The following SMAP1 variants were observed in gnomAD, a reference collection of about 807,000 sequenced individuals.
SMAP1 encodes small ArfGAP 1.
A neutral mutation model predicts 58.5 loss-of-function variants in SMAP1; 24 were observed. The ratio of observed to expected loss-of-function variants is 0.41; its 90% confidence interval spans 0.30 to 0.58. SMAP1 has a LOEUF of 0.58. Among genes scored for constraint, SMAP1 ranks in the 20% least tolerant of loss-of-function variants. The pLI is 0.29. For synonymous variants in SMAP1, 216 were observed against 196.6 expected (o/e 1.10, Z -0.82); for missense variants, 563 against 566.3 (o/e 0.99, Z 0.06).
rs1424604053 is a variant in SMAP1, at chr6:70,856,883, G to A, written c.814G>A (p.Ala272Thr). The A allele has an allele frequency of 1.5e-5, 24 of 1,613,128 alleles. No homozygotes were observed. Among genetic ancestry groups the A allele is most frequent in the Non-Finnish European group, 2.0e-5 (24 of 1,179,418 alleles). ...GGGGACACCCTCTGCACCAGCAGCT[G>A]CAACCCTGTCTACAGTAACATCTGG... Reference protein sequence around the residue: ...AQGTPSAPAAATLSTVTSGDL... With the variant: ...AQGTPSAPAATTLSTVTSGDL... The change falls in exon 9 of 11, where the codon GCA becomes ACA. Residue 272 changes from alanine (A) to threonine (T), a missense_variant. By Grantham distance (58) the Ala-to-Thr change is moderately conservative (BLOSUM62 0). This residue lies in a region of SMAP1 where 494 missense variants were observed against 473.8 expected (regional missense o/e 1.04). Coordinates refer to ENST00000370455, the MANE Select transcript of SMAP1 (RefSeq NM_001044305.3).
intron 3 of SMAP1, among the ~76,000 whole-genome samples, chr6:70,764,324 A>AC (rs1296636731): frequency 6.6e-6 from 1 of 152,202 alleles, no homozygotes; most frequent in African/African-American, 2.4e-5. Context: ...ACTACACTAA[A>AC]CAACACATTT....
intron 6 of SMAP1, among the ~76,000 whole-genome samples, chr6:70,817,394 GA>G (rs1238429834): frequency 1.3e-5 from 2 of 152,006 alleles, no homozygotes; most frequent in Admixed American, 1.3e-4. Flanking sequence ...CTGATCTTTG[GA>G]AAGTTCAAAA....
chr6:70,704,731 A>AAT (rs1012265927), intron 1 of SMAP1, among the ~76,000 whole-genome samples: 2 of 152,224 alleles, frequency 1.3e-5, no homozygotes, highest in South Asian at 2.1e-4. Context: ...AAGTGGGATT[A>AAT]GTCAACCGTA....
At chr6:70,694,135 A>G (rs932601815) in intron 1 of SMAP1, 2 of 353,042 alleles carry the variant, frequency 5.7e-6, no homozygotes, top group Non-Finnish European at 1.1e-5. Flanking sequence ...TTCTGTTTAC[A>G]TCTTGAATGC....
At chr6:70,811,158 CTTTACTG>C (rs973700134) in intron 6 of SMAP1, among the ~76,000 whole-genome samples, 4 of 152,116 alleles carry the variant, frequency 2.6e-5, no homozygotes, top group Non-Finnish European at 5.9e-5. Flanking sequence ...TGATTCTCAA[CTTTACTG>C]TTTACTAGAT....
At chr6:70,791,637 CAT>C (rs1768363003) in intron 4 of SMAP1, 50 bp from the exon 5 acceptor site, 2 of 1,480,532 alleles carry the variant, frequency 1.4e-6, no homozygotes, top group Non-Finnish European at 1.9e-6. Context: ...TGTCAATTCT[CAT>C]TACCTTCTTT....
intron 1 of SMAP1, among the ~76,000 whole-genome samples, chr6:70,710,228 C>CA (rs1767997110): frequency 6.6e-6 from 1 of 152,064 alleles, no homozygotes; most frequent in Non-Finnish European, 1.5e-5. Context: ...TGTGGTAGCT[C>CA]ACGCCTGTAA....
At chr6:70,762,566 AG>A (rs1286037560) in intron 3 of SMAP1, among the ~76,000 whole-genome samples, 1 of 152,180 alleles carries the variant, frequency 6.6e-6, no homozygotes, top group Non-Finnish European at 1.5e-5. Flanking sequence ...CCAAAGATAT[AG>A]CATGTTTTCC....
chr6:70,771,143 G>T (rs1472380366), intron 3 of SMAP1, among the ~76,000 whole-genome samples: 2 of 152,206 alleles, frequency 1.3e-5, no homozygotes, highest in Non-Finnish European at 2.9e-5. Flanking sequence ...GCCGTGTGAA[G>T]TGACAGTCTG....
intron 5 of SMAP1, among the ~76,000 whole-genome samples, chr6:70,795,500 T>C (rs1435438236): frequency 6.6e-6 from 1 of 152,168 alleles, no homozygotes; most frequent in Non-Finnish European, 1.5e-5. Flanking sequence ...TGCCCTCATA[T>C]AGTGGGAAAG....
At position 70,861,033 on chromosome 6, in the gene SMAP1, T is replaced by C. The variant is rs1771700306; in HGVS notation, c.*699T>C. On this transcript the variant is annotated 3_prime_UTR_variant, in exon 11 of 11. Coordinates refer to ENST00000370455, the MANE Select transcript of SMAP1 (RefSeq NM_001044305.3). The stretch of plus-strand genomic sequence containing the variant: ...CTGCACTATATGCAAACAGGGTAAC[T>C]AACTAAAACAAAGCCACTTTCAATC... The C allele has an allele frequency of 4.0e-6, 1 of 249,872 alleles. No homozygotes were observed. Among genetic ancestry groups the C allele is most frequent in the African/African-American group, 2.2e-5 (1 of 45,322 alleles). 15.5% of individuals were successfully genotyped at this position (249,872 alleles called of 1,614,324 possible).
At chr6:70,697,398 T>G (rs192818250) in intron 1 of SMAP1, among the ~76,000 whole-genome samples, 26 of 151,792 alleles carry the variant, frequency 1.7e-4, no homozygotes, top group Admixed American at 1.2e-3. Flanking sequence ...CTCCGCCTCC[T>G]AGGTTCAAGC....
intron 6 of SMAP1, among the ~76,000 whole-genome samples, chr6:70,812,862 A>G (rs1343813198): frequency 1.3e-5 from 2 of 152,102 alleles, no homozygotes; most frequent in African/African-American, 2.4e-5. Flanking sequence ...ATTTAATTCT[A>G]TACTCGTGCC....
intron 2 of SMAP1, among the ~76,000 whole-genome samples, chr6:70,740,894 C>T (rs1187400940): frequency 1.3e-5 from 2 of 152,178 alleles, no homozygotes; most frequent in African/African-American, 4.8e-5. Flanking sequence ...TCTTACATTG[C>T]AGCAGACAAG....
intron 5 of SMAP1, among the ~76,000 whole-genome samples, chr6:70,797,496 T>G (rs76695383): frequency 0.018 from 2,747 of 152,254 alleles, 38 homozygotes; most frequent in Middle Eastern, 0.054. Flanking sequence ...TCATCGTCTT[T>G]ACTTTTTTGC....
chr6:70,671,113 G>A (rs1341943345), intron 1 of SMAP1, among the ~76,000 whole-genome samples: 1 of 152,186 alleles, frequency 6.6e-6, no homozygotes, highest in Non-Finnish European at 1.5e-5. Flanking sequence ...GACTGGGAAT[G>A]CCTTGCCAGC....
chr6:70,694,075 T>C (rs1767298927), intron 1 of SMAP1: 3 of 220,780 alleles, frequency 1.4e-5, no homozygotes, highest in Admixed American at 1.1e-4. Context: ...ACCAACCCTC[T>C]TGAAGTTCAA....
intron 1 of SMAP1, among the ~76,000 whole-genome samples, chr6:70,720,771 C>T (rs143851119): frequency 0.011 from 1,685 of 152,280 alleles, 31 homozygotes; most frequent in African/African-American, 0.038. Context: ...ATGGCTGGAG[C>T]GGAGAGGCTG....
intron 6 of SMAP1, among the ~76,000 whole-genome samples, chr6:70,800,992 CTT>C (rs1768824288): frequency 6.6e-6 from 1 of 152,114 alleles, no homozygotes; most frequent in South Asian, 2.1e-4. Flanking sequence ...GTGCATGTGT[CTT>C]TATAGTAGCA....
Sources: gnomAD v4.1 joint callset for allele counts (sites outside exome capture counted in the v4.1 genomes callset) on GRCh38, gnomAD v4.1.1 for gene constraint, gnomAD v4.1.1 regional missense constraint, MANE v1.5 for transcripts, NCBI Gene and HGNC (gene_info 2026-07-23, HGNC 2026-07-21) for gene names.